TLN2: variants seen among roughly 807,000 people sequenced by gnomAD.
TLN2 encodes talin 2.
In TLN2, 118 loss-of-function variants were observed where a neutral mutation model predicts 294.7. The ratio of observed to expected loss-of-function variants is 0.40; its 90% CI spans 0.34 to 0.47. The LOEUF is 0.47. TLN2 is among the 20% of genes least tolerant of loss of function. The probability of loss-of-function intolerance (pLI) is 0.84; values close to 1 mark genes in which losing one functional copy is unlikely to be tolerated. For missense variants in TLN2, 3,083 were observed against 3,282.2 expected (o/e 0.94, Z 1.48); for synonymous variants, 1,431 against 1,304.5 (o/e 1.10, Z -2.09).
intron 1 of TLN2, among the ~76,000 whole-genome samples, chr15:62,426,749 G>C (rs1272013318): frequency 6.6e-6 from 1 of 151,930 alleles, no homozygotes; most frequent in African/African-American, 2.4e-5. Flanking sequence ...ACATTTTTTT[G>C]GGAGGCCCTG....
intron 7 of TLN2, among the ~76,000 whole-genome samples, chr15:62,653,993 T>C (rs1025609331): frequency 4.3e-4 from 65 of 152,318 alleles, no homozygotes; most frequent in African/African-American, 1.5e-3. Flanking sequence ...GATATATCTG[T>C]GTAGACACTG....
intron 3 of TLN2, among the ~76,000 whole-genome samples, chr15:62,621,746 G>A (rs1400118398): frequency 6.6e-6 from 1 of 152,170 alleles, no homozygotes; most frequent in South Asian, 2.1e-4. Flanking sequence ...CCCTTATGGC[G>A]GGATTGGCCC....
intron 37 of TLN2, 80 bp downstream of exon 37, chr15:62,755,773 ACTCCT>A: frequency 6.5e-7 from 1 of 1,532,690 alleles, no homozygotes; most frequent in Non-Finnish European, 8.9e-7. Context: ...TTTAAGCTCC[ACTCCT>A]CTCCTTGTCT....
At chr15:62,528,654 G>A (rs557112440) in intron 1 of TLN2, among the ~76,000 whole-genome samples, 2 of 146,046 alleles carry the variant, frequency 1.4e-5, no homozygotes, top group Admixed American at 6.9e-5. Flanking sequence ...CCCTTCTTGA[G>A]TGTATCCAGA....
intron 9 of TLN2, among the ~76,000 whole-genome samples, chr15:62,673,590 T>C (rs551376996): frequency 1.3e-5 from 2 of 149,296 alleles, no homozygotes; most frequent in East Asian, 2.0e-4. Flanking sequence ...CACTTTACAA[T>C]AGATCCTGGA....
rs754651061 is a variant in TLN2, at chr15:62,673,854, T to C, written c.816T>C (p.Tyr272=). 1.2e-6 allele frequency: 2 copies of C among 1,613,508 alleles called. No homozygotes were observed. Among genetic ancestry groups the C allele is most frequent in the South Asian group, 1.1e-5 (1 of 91,014 alleles). ...TGAAGGAATTCCTGCCCAAAGAATA[T>C]ATCAAGCAGAGAGGAGCTGAAAAGA... The part of the protein sequence containing the change: ...LDLKEFLPKE[Y]IKQRGAEKRI... The change falls in exon 10 of 59, where the codon TAT becomes TAC. Residue 272 remains tyrosine (Y), a synonymous_variant. Transcript: ENST00000636159.
chr15:62,494,968 G>A (rs1193643183), intron 1 of TLN2, among the ~76,000 whole-genome samples: 1 of 152,150 alleles, frequency 6.6e-6, no homozygotes, highest in South Asian at 2.1e-4. Flanking sequence ...TTCTGTTACT[G>A]AGAAGGCAAT....
chr15:62,399,473 C>G (rs374449322), intron 1 of TLN2, among the ~76,000 whole-genome samples: 10 of 152,058 alleles, frequency 6.6e-5, no homozygotes, highest in African/African-American at 2.2e-4. Flanking sequence ...ATAGTAGATC[C>G]ACCAACAGCT....
intron 1 of TLN2, among the ~76,000 whole-genome samples, chr15:62,525,199 C>T (rs545280327): frequency 3.7e-4 from 57 of 152,220 alleles, no homozygotes; most frequent in Non-Finnish European, 7.1e-4. Flanking sequence ...TTGTCTCTCA[C>T]ATGTGTTTAA....
At chr15:62,796,054 A>G in intron 46 of TLN2, 73 bp from the exon 47 acceptor site, 4 of 1,551,314 alleles carry the variant, frequency 2.6e-6, no homozygotes. Context: ...AGAATTCATT[A>G]TTTTCAGAAT....
chr15:62,664,878 A>AAAAAAAAAAAAAAAAAAAAT (rs2054391831), intron 9 of TLN2, among the ~76,000 whole-genome samples: 2 of 145,870 alleles, frequency 1.4e-5, no homozygotes, highest in African/African-American at 2.5e-5. Context: ...AAAAAAAAAA[A>AAAAAAAAAAAAAAAAAAAAT]GTGGCTACCT....
In TLN2 at chr15:62,835,337, A is replaced by G. The variant is rs757225106; in HGVS notation, c.7129-400A>G. The stretch of plus-strand genomic sequence containing the variant: ...GTGGTTTTCAGGGTCAGTAATCGGG[A>G]GAGATTTAAATTTCTCTTAGCCCTT... On this transcript the variant is annotated intron_variant, in intron 55 of 58. Coordinates refer to ENST00000636159, the MANE Select transcript of TLN2 (RefSeq NM_015059.3). 2.6e-4 allele frequency: 55 copies of G among 215,596 alleles called. 1 individual carries two copies. Among genetic ancestry groups the G allele is most frequent in the Admixed American group, 2.1e-4 (4 of 19,128 alleles). 13.4% of individuals were successfully genotyped at this position (215,596 alleles called of 1,614,324 possible). A position where few individuals can be genotyped will look rare whatever the true frequency, so the allele number is the denominator to read the frequency against.
intron 52 of TLN2, among the ~76,000 whole-genome samples, chr15:62,816,816 A>G (rs2067152694): frequency 6.6e-6 from 1 of 152,206 alleles, no homozygotes; most frequent in Non-Finnish European, 1.5e-5. Context: ...CCTGAGCCAT[A>G]ACTATTAATA....
chr15:62,448,732 G>A (rs1388266988), intron 1 of TLN2, among the ~76,000 whole-genome samples: 1 of 152,170 alleles, frequency 6.6e-6, no homozygotes, highest in Non-Finnish European at 1.5e-5. Context: ...TTCACAGAGC[G>A]GTCTCTAGAT....
rs866907469 is a variant in TLN2 at position 62,634,994 on chromosome 15, C to T, written c.-36-12281C>T. On this transcript the variant is annotated intron_variant, in intron 3 of 58. Coordinates refer to ENST00000636159, the MANE Select transcript of TLN2 (RefSeq NM_015059.3). Reference sequence around the variant, plus strand: ...CTAGATGGTTTTTCTCCCATTCATTCCTTTGTCAATTCTGTCTCTTGGTCT... The same window carrying T: ...CTAGATGGTTTTTCTCCCATTCATTTCTTTGTCAATTCTGTCTCTTGGTCT... Among the ~76,000 whole-genome samples the T allele has an allele frequency of 6.0e-4, 92 of 152,286 alleles. 1 individual carries two copies. The Middle Eastern group carries it at 0.014, about 23-fold the overall frequency.
rs373183378 is a variant in TLN2 at position 62,841,590 on chromosome 15, C to T, written c.*980C>T. 6.6e-6 allele frequency: 1 copy of T among 152,092 alleles called. No individual in the cohort carries two copies. Among genetic ancestry groups the T allele is most frequent in the Non-Finnish European group, 1.5e-5 (1 of 68,024 alleles). 9.4% of individuals were successfully genotyped at this position (152,092 alleles called of 1,614,324 possible). On this transcript the variant is annotated 3_prime_UTR_variant, in exon 59 of 59. Transcript: ENST00000636159. ...TCCCCTGTCCTCCAACCCAAAACGCCTTTTTTTCTGTCTTAATATCCAGAA... is the reference window on the plus strand; with the variant it reads ...TCCCCTGTCCTCCAACCCAAAACGCTTTTTTTTCTGTCTTAATATCCAGAA...
chr15:62,532,058 T>C lies in TLN2; in HGVS notation c.-237-57629T>C, dbSNP rs74877493. Among the ~76,000 whole-genome samples the C allele has an allele frequency of 2.8e-3, 380 of 134,934 alleles. 4 individuals are homozygous for C. The highest frequency in any genetic ancestry group is 0.013 in the African/African-American group (368 of 28,852). 88.5% of individuals were successfully genotyped at this position (134,934 alleles called of 152,430 possible). ...CTTTTTTCTTTTTCTCTTTTCTTTT[T>C]TTTTTTTGTGAGACAGGTACTCACT... On this transcript the variant is annotated intron_variant, in intron 1 of 58. Coordinates refer to ENST00000636159, the MANE Select transcript of TLN2 (RefSeq NM_015059.3).
At chr15:62,608,534 G>A (rs1166534181) in intron 2 of TLN2, among the ~76,000 whole-genome samples, 1 of 152,162 alleles carries the variant, frequency 6.6e-6, no homozygotes, top group African/African-American at 2.4e-5. Context: ...GCACAGGTTT[G>A]AGAGTGATTT....
intron 1 of TLN2, among the ~76,000 whole-genome samples, chr15:62,560,096 G>A (rs898198402): frequency 6.6e-6 from 1 of 152,192 alleles, no homozygotes; most frequent in South Asian, 2.1e-4. Context: ...AGATGGCTTC[G>A]GGAAAGTGGG....
Sources: gnomAD v4.1 joint callset for allele counts (sites outside exome capture counted in the v4.1 genomes callset) on GRCh38, gnomAD v4.1.1 for gene constraint, MANE v1.5 for transcripts, NCBI Gene and HGNC (gene_info 2026-07-23, HGNC 2026-07-21) for gene names.